Variants in XPA observed in about 807,000 individuals in gnomAD.
XPA encodes DNA repair protein complementing XP-A cells.
A neutral mutation model predicts 35.7 loss-of-function variants in XPA; 27 were observed. That is an observed-to-expected ratio of 0.76 (90% CI 0.56 to 1.04). The LOEUF is 1.04. Among genes scored for constraint, XPA ranks in the 50% least tolerant of loss-of-function variants. XPA has a pLI of 0.00. For synonymous variants in XPA, 133 were observed against 118.4 expected (o/e 1.12, Z -0.80); for missense variants, 354 against 342.7 (o/e 1.03, Z -0.26).
In XPA at chr9:97,675,622, G is replaced by A. The variant is rs746632950; in HGVS notation, c.674-35C>T. ...AAATTTTAAAGTCATCTTTTCAGTG[G>A]TGCTATTCAGGTGAATCCAAAAATC... On this transcript the variant is annotated intron_variant, in intron 5 of 5. Transcript: ENST00000375128. 3.7e-6 allele frequency: 6 copies of A among 1,613,534 alleles called. No homozygotes were observed. The South Asian group carries it at 4.4e-5, about 12-fold the overall frequency.
intron 4 of XPA, among the ~76,000 whole-genome samples, chr9:97,686,335 A>G (rs3176683): frequency 0.037 from 5,711 of 152,312 alleles, 149 homozygotes; most frequent in Non-Finnish European, 0.06. Context: ...CACTAAGTGG[A>G]TCACCGTCTT....
chr9:97,655,729 A>G, the XPA span: 5 of 1,612,794 alleles, frequency 3.1e-6, no homozygotes, highest in Admixed American at 8.4e-5. Flanking sequence ...CTCATCATCT[A>G]AGTAACTTCC....
the XPA span, chr9:97,654,824 T>C: frequency 3.5e-6 from 5 of 1,448,050 alleles, no homozygotes; most frequent in South Asian, 5.8e-5. Context: ...TTCTTGTCTA[T>C]TACAACTTAT....
At chr9:97,658,853 AT>A in the XPA span, 1 of 796,186 alleles carries the variant, frequency 1.3e-6, no homozygotes. Flanking sequence ...TGGGGTTTAT[AT>A]TTCCTGTATT....
the XPA span, among the ~76,000 whole-genome samples, chr9:97,660,214 ATTTAC>A: frequency 7.9e-5 from 12 of 152,252 alleles, no homozygotes; most frequent in South Asian, 2.5e-3. Context: ...GACTGTTGTA[ATTTAC>A]TTTATTCATT....
chr9:97,678,800 G>A (rs555633962), intron 5 of XPA, among the ~76,000 whole-genome samples: 5 of 152,266 alleles, frequency 3.3e-5, no homozygotes, highest in African/African-American at 1.2e-4. Context: ...GAGGCCCGGA[G>A]AAAAGCACAT....
intron 4 of XPA, among the ~76,000 whole-genome samples, chr9:97,686,594 C>T (rs1157333873): frequency 6.6e-6 from 1 of 152,108 alleles, no homozygotes; most frequent in Non-Finnish European, 1.5e-5. Flanking sequence ...CTCTTAACAT[C>T]ACCCAATAGC....
chr9:97,673,392 T>C (rs952351870), downstream of XPA: 38 of 152,308 alleles, frequency 2.5e-4, no homozygotes, highest in African/African-American at 9.1e-4. Context: ...CTTTGTAATC[T>C]TTTCACAATG....
At chr9:97,669,807 C>A in the XPA span, 2 of 781,928 alleles carry the variant, frequency 2.6e-6, no homozygotes, top group Non-Finnish European at 4.5e-6. Flanking sequence ...TTATATAGTA[C>A]CTGTTAGACC....
At chr9:97,666,692 A>G in the XPA span, 1 of 1,042,928 alleles carries the variant, frequency 9.6e-7, no homozygotes, top group Middle Eastern at 2.9e-4. Context: ...ATGAAATTAC[A>G]AAAGTTGAAA....
At chr9:97,664,537 G>A in the XPA span, 1 of 808,654 alleles carries the variant, frequency 1.2e-6, no homozygotes, top group Non-Finnish European at 2.0e-6. Context: ...TCCAAACCAG[G>A]TTGATATTAA....
intron 5 of XPA, among the ~76,000 whole-genome samples, chr9:97,677,912 A>C (rs1380936981): frequency 1.3e-5 from 2 of 152,152 alleles, no homozygotes; most frequent in Non-Finnish European, 2.9e-5. Context: ...TGATCAAGTC[A>C]CTATATTAAG....
At chr9:97,657,358 C>CT in the XPA span, among the ~76,000 whole-genome samples, 18 of 152,032 alleles carry the variant, frequency 1.2e-4, no homozygotes, top group Non-Finnish European at 2.5e-4. Flanking sequence ...TTTTTTCTAT[C>CT]TTTGTGTTTT....
intron 5 of XPA, among the ~76,000 whole-genome samples, chr9:97,678,846 A>C (rs1828452497): frequency 6.6e-6 from 1 of 152,218 alleles, no homozygotes; most frequent in African/African-American, 2.4e-5. Context: ...CATACCCTGC[A>C]TCCAACCAGC....
chr9:97,660,188 A>G, the XPA span, among the ~76,000 whole-genome samples: 1 of 152,178 alleles, frequency 6.6e-6, no homozygotes, highest in African/African-American at 2.4e-5. Context: ...CAGGTGTAAT[A>G]TGACTGTCCT....
At chr9:97,674,345 A>G (rs1828287245), downstream of XPA, among the ~76,000 whole-genome samples, 1 of 152,190 alleles carries the variant, frequency 6.6e-6, no homozygotes, top group Non-Finnish European at 1.5e-5. Flanking sequence ...AAAAATACAC[A>G]AACATTTCTG....
downstream of XPA, chr9:97,673,267 G>T (rs531885107): frequency 2.0e-5 from 3 of 152,298 alleles, no homozygotes; most frequent in East Asian, 5.8e-4. Flanking sequence ...ACTGTGCGGG[G>T]TGTCAGCATC....
chr9:97,658,844 G>A, the XPA span: 1 of 896,120 alleles, frequency 1.1e-6, no homozygotes, highest in Non-Finnish European at 1.8e-6. Context: ...TTCTTTTCTT[G>A]GGGTTTATAT....
chr9:97,675,880 T>G, intron 5 of XPA: 1 of 455,302 alleles, frequency 2.2e-6, no homozygotes, highest in Non-Finnish European at 4.0e-6. Context: ...TATTCAGAAG[T>G]GAGTTGAGTA....
Sources: gnomAD v4.1 joint callset for allele counts (sites outside exome capture counted in the v4.1 genomes callset) on GRCh38, gnomAD v4.1.1 for gene constraint, MANE v1.5 for transcripts, NCBI Gene and HGNC (gene_info 2026-07-23, HGNC 2026-07-21) for gene names.